FANCI: variants seen among roughly 807,000 people sequenced by gnomAD.
The protein encoded by FANCI is FA complementation group I.
In FANCI, 156 loss-of-function variants were observed where a neutral mutation model predicts 176.1. That is an observed-to-expected ratio of 0.89 (90% CI 0.78 to 1.01). The LOEUF (loss-of-function observed/expected upper bound fraction) is 1.01, where lower values mean the gene tolerates loss of function less well. Among genes scored for constraint, FANCI ranks in the 50% least tolerant of loss-of-function variants. The pLI is 0.00. For synonymous variants in FANCI, 613 were observed against 541.7 expected, an observed-to-expected ratio of 1.13 and a Z score of -1.83; for missense variants, 1,678 against 1,534.1, an observed-to-expected ratio of 1.09 and a Z score of -1.57.
At chr15:89,288,773 C>T (rs2053932623) in intron 18 of FANCI, among the ~76,000 whole-genome samples, 1 of 151,878 alleles carries the variant, frequency 6.6e-6, no homozygotes, top group Non-Finnish European at 1.5e-5. Flanking sequence ...TAGGCACAAG[C>T]CACTGCACCC....
At chr15:89,291,223 A>G (rs2054055656) in intron 19 of FANCI, among the ~76,000 whole-genome samples, 1 of 152,226 alleles carries the variant, frequency 6.6e-6, no homozygotes, top group African/African-American at 2.4e-5. Flanking sequence ...TATTAATAAT[A>G]TCCTCATTTT....
intron 10 of FANCI, among the ~76,000 whole-genome samples, chr15:89,270,131 C>G (rs1394645646): frequency 6.6e-6 from 1 of 151,794 alleles, no homozygotes; most frequent in African/African-American, 2.4e-5. Context: ...TTTTTTTTCC[C>G]CCAACCATTT....
At chr15:89,268,967 T>G (rs1045811593) in intron 10 of FANCI, among the ~76,000 whole-genome samples, 2 of 152,172 alleles carry the variant, frequency 1.3e-5, no homozygotes, top group African/African-American at 4.8e-5. Context: ...GCTAAGTCAT[T>G]CATCATGAAG....
At chr15:89,261,899 T>C (rs774088324) in intron 6 of FANCI, 21 bp downstream of exon 6, 3 of 1,612,290 alleles carry the variant, frequency 1.9e-6, no homozygotes, top group East Asian at 2.2e-5. Context: ...TTAATATGTA[T>C]AACTTTCTTA....
Position 89,314,118 on chromosome 15 carries a change from G to GAC in FANCI, c.3721-484_3721-483dup, listed in dbSNP as rs148511287. 5.5e-5 allele frequency among the ~76,000 whole-genome samples: 8 copies of GAC among 145,862 alleles called. No individual in the cohort carries two copies. In the East Asian group the frequency reaches 1.4e-3, roughly 26 times the overall value. ...AATTACAATTCACGTTAGGAGGAAA[G>GAC]ACACACACACAAAAACGTAGGACCA... On this transcript the variant is annotated intron_variant, in intron 35 of 37. Transcript: ENST00000310775.
intron 1 of FANCI, among the ~76,000 whole-genome samples, chr15:89,247,024 C>G (rs972552098): frequency 6.6e-6 from 1 of 151,296 alleles, no homozygotes; most frequent in Non-Finnish European, 1.5e-5. Flanking sequence ...CCTCCTCAGC[C>G]TCCCAAAGTG....
intron 24 of FANCI, among the ~76,000 whole-genome samples, chr15:89,296,557 A>G (rs2054282971): frequency 6.6e-6 from 1 of 152,192 alleles, no homozygotes; most frequent in African/African-American, 2.4e-5. Flanking sequence ...AATTTTTCTT[A>G]GTACAGAACA....
chr15:89,270,130 C>T (rs1357660494), intron 10 of FANCI, among the ~76,000 whole-genome samples: 2 of 151,702 alleles, frequency 1.3e-5, no homozygotes, highest in African/African-American at 2.4e-5. Flanking sequence ...TTTTTTTTTC[C>T]CCCAACCATT....
rs186117020 is a variant in FANCI at position 89,273,031 on chromosome 15, G to A, written c.883-346G>A. ...TGTATGTAATGGGACCAGGTGTGGTGGTTCACACCTGTAATCCCAGCACTT... is the reference window on the plus strand; with the variant it reads ...TGTATGTAATGGGACCAGGTGTGGTAGTTCACACCTGTAATCCCAGCACTT... On this transcript the variant is annotated intron_variant, in intron 10 of 37. Coordinates refer to ENST00000310775, the MANE Select transcript of FANCI (RefSeq NM_001113378.2). Among the ~76,000 whole-genome samples, 517 of 152,208 alleles carry A rather than the reference G, an allele frequency of 3.4e-3. 2 individuals are homozygous for A. The highest frequency in any genetic ancestry group is 5.3e-3 in the Non-Finnish European group (359 of 68,006).
intron 2 of FANCI, among the ~76,000 whole-genome samples, chr15:89,256,846 C>G (rs2052516240): frequency 6.6e-6 from 1 of 152,176 alleles, no homozygotes; most frequent in South Asian, 2.1e-4. Context: ...ACAGATGGTG[C>G]CACTATCCAC....
intron 2 of FANCI, among the ~76,000 whole-genome samples, chr15:89,258,289 T>C (rs1048257459): frequency 6.6e-6 from 1 of 152,234 alleles, no homozygotes; most frequent in Non-Finnish European, 1.5e-5. Context: ...TCCTCACTTA[T>C]TGTCTATCTC....
At chr15:89,314,155 G>A (rs1207363666) in intron 35 of FANCI, among the ~76,000 whole-genome samples, 2 of 96,690 alleles carry the variant, frequency 2.1e-5, no homozygotes, top group Admixed American at 2.0e-4. Context: ...ACACAAAAAT[G>A]TAGGACCTTT....
At chr15:89,251,394 AT>A (rs2052243172) in intron 2 of FANCI, among the ~76,000 whole-genome samples, 1 of 152,248 alleles carries the variant, frequency 6.6e-6, no homozygotes. Context: ...GATCAGGTAG[AT>A]AGTCCTAATG....
intron 2 of FANCI, among the ~76,000 whole-genome samples, chr15:89,248,479 T>A (rs2052088729): frequency 6.6e-6 from 1 of 152,226 alleles, no homozygotes. Flanking sequence ...TTAGTGTGTG[T>A]TATCTGACAT....
intron 36 of FANCI, 141 bp downstream of exon 36, chr15:89,314,848 C>CAA (rs2055152052): frequency 4.3e-6 from 2 of 469,546 alleles, no homozygotes; most frequent in African/African-American, 5.0e-5. Flanking sequence ...CCCCCCCCCC[C>CAA]CTTTTTTTTT....
In FANCI at chr15:89,300,574, G is replaced by C. The variant is rs8036314; in HGVS notation, c.2889+189G>C. The stretch of plus-strand genomic sequence containing the variant: ...ATTTAAAAGGACCCTAGTGAGGATA[G>C]GTATTTAGCCACCCCAACCTGCAAT... On this transcript the variant is annotated intron_variant, in intron 26 of 37. Coordinates refer to ENST00000310775, the MANE Select transcript of FANCI (RefSeq NM_001113378.2). Among the ~76,000 whole-genome samples, 25,640 of 152,166 alleles carry C rather than the reference G, an allele frequency of 0.17. 4,034 individuals carry two copies. The highest frequency in any genetic ancestry group is 0.42 in the African/African-American group (17,545 of 41,464).
intron 26 of FANCI, among the ~76,000 whole-genome samples, 193 bp from the exon 27 acceptor site, chr15:89,301,133 G>C (rs1196466761): frequency 6.6e-6 from 1 of 152,226 alleles, no homozygotes; most frequent in Non-Finnish European, 1.5e-5. Context: ...CATTCTCAGA[G>C]AGGTTTATGG....
intron 2 of FANCI, among the ~76,000 whole-genome samples, chr15:89,249,206 G>T (rs1375398540): frequency 6.6e-6 from 1 of 152,058 alleles, no homozygotes; most frequent in African/African-American, 2.4e-5. Context: ...CACAGAAGAT[G>T]AACTCAGAGT....
chr15:89,260,018 T>C (rs894478968), intron 3 of FANCI, among the ~76,000 whole-genome samples: 5 of 139,498 alleles, frequency 3.6e-5, no homozygotes, highest in African/African-American at 1.4e-4. Flanking sequence ...TGCCGGATCA[T>C]GTGGAAACTC....
Sources: gnomAD v4.1 joint callset for allele counts (sites outside exome capture counted in the v4.1 genomes callset) on GRCh38, gnomAD v4.1.1 for gene constraint, MANE v1.5 for transcripts, NCBI Gene and HGNC (gene_info 2026-07-23, HGNC 2026-07-21) for gene names.